NUP210L: variants seen among roughly 807,000 people sequenced by gnomAD.
NUP210L encodes nuclear pore membrane glycoprotein 210-like.
In NUP210L, 74 loss-of-function variants were observed where a neutral mutation model predicts 208.5. The ratio of observed to expected loss-of-function variants is 0.35; its 90% CI spans 0.29 to 0.43. The LOEUF (loss-of-function observed/expected upper bound fraction) is 0.43. NUP210L is among the 20% of genes least tolerant of loss of function. The pLI, the probability that NUP210L is intolerant of heterozygous loss-of-function variation, is 1.00. For synonymous variants in NUP210L, 780 were observed against 816.9 expected, an observed-to-expected ratio of 0.95 and a Z score of 0.77; for missense variants, 1,843 against 2,289.4, an observed-to-expected ratio of 0.81 and a Z score of 3.98.
chr1:154,077,769 G>C (rs146588776), intron 16 of NUP210L, among the ~76,000 whole-genome samples: 1,812 of 152,234 alleles, frequency 0.012, 17 homozygotes, highest in Non-Finnish European at 0.016. Flanking sequence ...TGGATCACCT[G>C]AGGTCAGAAG....
intron 38 of NUP210L, among the ~76,000 whole-genome samples, chr1:153,993,821 C>T (rs1649645479): frequency 6.6e-6 from 1 of 152,128 alleles, no homozygotes; most frequent in African/African-American, 2.4e-5. Context: ...TCGCTTGAAA[C>T]TGGGCGATGG....
chr1:154,148,882 G>T lies in NUP210L; in HGVS notation c.340+3854C>A, dbSNP rs377640843. 3.4e-4 allele frequency among the ~76,000 whole-genome samples: 51 copies of T among 151,936 alleles called. 1 individual carries two copies. In the South Asian group the frequency reaches 0.011, roughly 32 times the overall value. ...TGGTGAAGGAAGGAAGGAAGGGAGGGATGGTAATCTTAGGTAATCCGTAAC... is the reference window on the plus strand; with the variant it reads ...TGGTGAAGGAAGGAAGGAAGGGAGGTATGGTAATCTTAGGTAATCCGTAAC... On this transcript the variant is annotated intron_variant, in intron 2 of 39. Coordinates refer to ENST00000368559, the Ensembl canonical transcript of NUP210L.
At chr1:154,152,816 A>G in exon 2 of NUP210L, 4 of 1,613,908 alleles carry the variant, frequency 2.5e-6, no homozygotes, top group Non-Finnish European at 3.4e-6. Flanking sequence ...TTGGGAACAC[A>G]AGGTGCCATT....
chr1:153,994,670 T>C (rs1470205026), intron 38 of NUP210L, among the ~76,000 whole-genome samples: 1 of 152,052 alleles, frequency 6.6e-6, no homozygotes, highest in East Asian at 1.9e-4. Flanking sequence ...TTACACTGTT[T>C]GTTAAAATTA....
exon 37 of NUP210L, chr1:154,001,030 C>A: frequency 1.2e-6 from 2 of 1,613,990 alleles, no homozygotes; most frequent in Non-Finnish European, 1.7e-6. Flanking sequence ...CTATGGCCAG[C>A]GACCACTAGA....
chr1:154,086,760 G>A (rs923572447), intron 16 of NUP210L, among the ~76,000 whole-genome samples: 4 of 151,828 alleles, frequency 2.6e-5, no homozygotes, highest in Admixed American at 2.0e-4. Context: ...AGGTTACAGT[G>A]ACCTATGATC....
intron 17 of NUP210L, among the ~76,000 whole-genome samples, chr1:154,062,320 G>A (rs918084593): frequency 6.6e-6 from 1 of 152,150 alleles, no homozygotes; most frequent in African/African-American, 2.4e-5. Context: ...AAATGGAAGT[G>A]AGAAAGGGAT....
chr1:154,022,675 C>CT (rs375659718), intron 31 of NUP210L, among the ~76,000 whole-genome samples: 3,064 of 114,966 alleles, frequency 0.027, 45 homozygotes, highest in Non-Finnish European at 0.031. Flanking sequence ...TAAGTCTGGT[C>CT]TTTTTTTTTT....
exon 13 of NUP210L, chr1:154,104,153 T>C: frequency 6.2e-7 from 1 of 1,614,012 alleles, no homozygotes; most frequent in Non-Finnish European, 8.5e-7. Flanking sequence ...ATCTGGCCAA[T>C]CTCCACATCA....
intron 12 of NUP210L, among the ~76,000 whole-genome samples, chr1:154,115,147 T>C (rs1319363969): frequency 6.6e-6 from 1 of 152,206 alleles, no homozygotes; most frequent in Admixed American, 6.6e-5. Context: ...GCAAGTATCT[T>C]TTGTTTTTTA....
At chr1:154,101,141 C>T (rs1656451146) in intron 13 of NUP210L, among the ~76,000 whole-genome samples, 1 of 136,452 alleles carries the variant, frequency 7.3e-6, no homozygotes, top group Non-Finnish European at 1.5e-5. Context: ...CATTGCACTC[C>T]AGCCTGAGCA....
intron 7 of NUP210L, among the ~76,000 whole-genome samples, chr1:154,130,727 G>C (rs1037442978): frequency 6.6e-6 from 1 of 151,640 alleles, no homozygotes; most frequent in African/African-American, 2.4e-5. Flanking sequence ...TGGGACTATA[G>C]GCCTGCACCA....
chr1:154,038,123 T>C (rs1029314886), intron 27 of NUP210L, among the ~76,000 whole-genome samples: 12 of 152,006 alleles, frequency 7.9e-5, no homozygotes, highest in Admixed American at 6.6e-5. Context: ...TTATTTTTGT[T>C]TATCTGTTTT....
At chr1:154,015,838 G>A (rs1651210063) in intron 33 of NUP210L, among the ~76,000 whole-genome samples, 1 of 151,236 alleles carries the variant, frequency 6.6e-6, no homozygotes, top group South Asian at 2.1e-4. Context: ...GAGCCTAGGA[G>A]GTGGATCTGA....
intron 14 of NUP210L, among the ~76,000 whole-genome samples, chr1:154,098,534 TCTG>T (rs1178961717): frequency 6.6e-6 from 1 of 152,156 alleles, no homozygotes; most frequent in East Asian, 1.9e-4. Context: ...GTAGTACCTC[TCTG>T]CTGCTGGTCA....
chr1:154,025,749 T>TG, intron 29 of NUP210L, 33 bp from the exon 30 acceptor site: 4 of 1,597,920 alleles, frequency 2.5e-6, no homozygotes, highest in Non-Finnish European at 3.4e-6. Context: ...GGCATCTTTT[T>TG]GGGGTCCTGT....
At chr1:153,996,427 T>C (rs1385388244) in intron 37 of NUP210L, among the ~76,000 whole-genome samples, 2 of 152,056 alleles carry the variant, frequency 1.3e-5, no homozygotes, top group South Asian at 2.1e-4. Flanking sequence ...CTTGAAACAT[T>C]TTCTTTTCAT....
chr1:154,125,640 A>C (rs1276326329), intron 10 of NUP210L, among the ~76,000 whole-genome samples: 5 of 832 alleles, frequency 6.0e-3, no homozygotes, highest in Non-Finnish European at 0.018. Context: ...GAAGGAAGGA[A>C]GGAAGGAAGG....
chr1:154,039,283 G>A (rs1473323167), intron 27 of NUP210L, among the ~76,000 whole-genome samples: 1 of 150,982 alleles, frequency 6.6e-6, no homozygotes, highest in East Asian at 1.9e-4. Context: ...GCCCAGGCTG[G>A]AGTGCAATAG....
Sources: allele counts gnomAD v4.1 joint callset (sites outside exome capture counted in the v4.1 genomes callset), GRCh38; gene constraint gnomAD v4.1.1; transcripts MANE v1.5; gene names NCBI Gene and HGNC (gene_info 2026-07-23, HGNC 2026-07-21).